Variants in SLX4IP observed in about 807,000 individuals in gnomAD.
SLX4IP encodes the protein SLX4 interacting protein.
Under a neutral mutation model 32.9 loss-of-function variants are expected in SLX4IP, and 34 were observed. That is an observed-to-expected ratio of 1.03 (90% CI 0.79 to 1.38). The LOEUF (loss-of-function observed/expected upper bound fraction) is 1.38, where lower values mean the gene tolerates loss of function less well. SLX4IP is among the 40% of genes most tolerant of loss of function. The pLI, the probability that SLX4IP is intolerant of heterozygous loss-of-function variation, is 0.00. For missense variants in SLX4IP, 444 were observed against 479.0 expected (o/e 0.93, Z 0.68); for synonymous variants, 172 against 171.7 (o/e 1.00, Z -0.01).
In SLX4IP at chr20:10,623,523, T is replaced by C. The variant is rs994152788; in HGVS notation, c.*144T>C. On this transcript the variant is annotated 3_prime_UTR_variant, in exon 8 of 8. Transcript: ENST00000334534. ...GGAAGTGTGTTATCTGTGTTATGGC[T>C]ATGGTTTGTTTTCAAAGCATTTCAA... 1.7e-5 allele frequency: 22 copies of C among 1,259,260 alleles called. No homozygotes were observed. The highest frequency in any genetic ancestry group is 2.3e-5 in the Non-Finnish European group (22 of 937,100). The allele number at this position is 1,259,260 out of a possible 1,614,324, so 78.0% of individuals were successfully genotyped here.
At chr20:10,613,754 C>A in intron 6 of SLX4IP, 7 of 1,613,662 alleles carry the variant, frequency 4.3e-6, no homozygotes, top group Non-Finnish European at 5.9e-6. Context: ...TCCTGGGTTC[C>A]TCTGTGTACT....
intron 2 of SLX4IP, among the ~76,000 whole-genome samples, chr20:10,466,173 T>C (rs1486775500): frequency 1.3e-5 from 2 of 152,248 alleles, no homozygotes; most frequent in Non-Finnish European, 2.9e-5. Flanking sequence ...ACATGGTGTC[T>C]ACCTCAGGAA....
intron 6 of SLX4IP, among the ~76,000 whole-genome samples, chr20:10,619,217 CTTTTTTTTT>C (rs59741153): frequency 3.2e-5 from 4 of 126,652 alleles, no homozygotes; most frequent in African/African-American, 1.2e-4. Flanking sequence ...CTTTTTTTTT[CTTTTTTTTT>C]TTTTTTTGAA....
chr20:10,524,986 C>G (rs2065929501), intron 2 of SLX4IP, among the ~76,000 whole-genome samples: 1 of 152,150 alleles, frequency 6.6e-6, no homozygotes, highest in African/African-American at 2.4e-5. Context: ...CAGCTTCTCC[C>G]CTCTGCACCT....
intron 2 of SLX4IP, among the ~76,000 whole-genome samples, chr20:10,505,092 T>A (rs867440740): frequency 7.9e-4 from 121 of 152,330 alleles, no homozygotes; most frequent in African/African-American, 2.7e-3. Flanking sequence ...AAGTGATTTA[T>A]TTTTTTGTTT....
intron 2 of SLX4IP, among the ~76,000 whole-genome samples, chr20:10,516,199 T>A (rs774463766): frequency 6.6e-6 from 1 of 152,186 alleles, no homozygotes; most frequent in Non-Finnish European, 1.5e-5. Flanking sequence ...CGTGAGGCTA[T>A]TTTTATCTGC....
At chr20:10,608,079 A>G (rs1431607066) in intron 6 of SLX4IP, among the ~76,000 whole-genome samples, 1 of 152,180 alleles carries the variant, frequency 6.6e-6, no homozygotes, top group Non-Finnish European at 1.5e-5. Flanking sequence ...TTTTTTTCTC[A>G]TAGTGTATCT....
At chr20:10,509,977 G>A (rs2065792327) in intron 2 of SLX4IP, among the ~76,000 whole-genome samples, 1 of 152,092 alleles carries the variant, frequency 6.6e-6, no homozygotes, top group African/African-American at 2.4e-5. Flanking sequence ...GCACCAGCCT[G>A]ATGAATAAAT....
intron 1 of SLX4IP, among the ~76,000 whole-genome samples, chr20:10,456,325 TTTTA>T (rs1261674254): frequency 6.6e-6 from 1 of 152,016 alleles, no homozygotes; most frequent in Non-Finnish European, 1.5e-5. Context: ...TGTAGTAAGC[TTTTA>T]TTTATTTATT....
At chr20:10,481,061 C>T (rs1028937502) in intron 2 of SLX4IP, among the ~76,000 whole-genome samples, 7 of 144,408 alleles carry the variant, frequency 4.8e-5, no homozygotes, top group African/African-American at 1.8e-4. Context: ...TAACATCTCT[C>T]AGTGTGGAAT....
intron 4 of SLX4IP, among the ~76,000 whole-genome samples, chr20:10,594,461 A>G (rs74684914): frequency 0.024 from 3,687 of 152,208 alleles, 100 homozygotes; most frequent in Admixed American, 0.088. Flanking sequence ...GTGGGAGAGG[A>G]CTTCCCACTG....
intron 4 of SLX4IP, among the ~76,000 whole-genome samples, chr20:10,571,629 G>A (rs2066467443): frequency 6.6e-6 from 1 of 152,256 alleles, no homozygotes; most frequent in Non-Finnish European, 1.5e-5. Context: ...AGCACTCATT[G>A]TTCCAGTTGC....
intron 1 of SLX4IP, among the ~76,000 whole-genome samples, chr20:10,445,300 CTTT>C (rs1477495759): frequency 7.1e-6 from 1 of 140,698 alleles, no homozygotes; most frequent in South Asian, 2.3e-4. Context: ...ATTGCTTTTT[CTTT>C]TTTCTTTCTT....
At chr20:10,604,272 T>C (rs181122448) in intron 6 of SLX4IP, among the ~76,000 whole-genome samples, 1 of 152,368 alleles carries the variant, frequency 6.6e-6, no homozygotes, top group Admixed American at 6.5e-5. Context: ...TGTTTTTGTA[T>C]AACTATTGAC....
At chr20:10,577,592 G>T (rs1478410370) in intron 4 of SLX4IP, among the ~76,000 whole-genome samples, 1 of 152,184 alleles carries the variant, frequency 6.6e-6, no homozygotes, top group Non-Finnish European at 1.5e-5. Context: ...GTGACAGCAC[G>T]TACCTCTAGT....
chr20:10,548,945 C>T (rs931972223), intron 2 of SLX4IP, among the ~76,000 whole-genome samples: 4 of 152,202 alleles, frequency 2.6e-5, no homozygotes, highest in African/African-American at 9.7e-5. Context: ...TCTCCCATCT[C>T]CTGACCTGTC....
chr20:10,458,536 T>TC (rs2122343803), intron 2 of SLX4IP, among the ~76,000 whole-genome samples: 1 of 151,878 alleles, frequency 6.6e-6, no homozygotes, highest in Non-Finnish European at 1.5e-5. Flanking sequence ...CCACAACAGG[T>TC]CCCAGTGTGT....
intron 1 of SLX4IP, among the ~76,000 whole-genome samples, chr20:10,437,328 G>A (rs1248034112): frequency 6.6e-6 from 1 of 152,072 alleles, no homozygotes; most frequent in African/African-American, 2.4e-5. Context: ...TAAATCAAGA[G>A]TTCTCAGCCT....
intron 2 of SLX4IP, among the ~76,000 whole-genome samples, chr20:10,548,086 C>T (rs1431031565): frequency 6.6e-6 from 1 of 152,176 alleles, no homozygotes; most frequent in East Asian, 1.9e-4. Context: ...CAATTTAGTT[C>T]AGTCCACTCA....
Sources: allele counts gnomAD v4.1 joint callset (sites outside exome capture counted in the v4.1 genomes callset), GRCh38; gene constraint gnomAD v4.1.1; transcripts MANE v1.5; gene names NCBI Gene and HGNC (gene_info 2026-07-23, HGNC 2026-07-21).